NFASC: variants seen among roughly 807,000 people sequenced by gnomAD.
NFASC encodes neurofascin homolog.
In NFASC, 43 loss-of-function variants were observed where a neutral mutation model predicts 147.5. The ratio of observed to expected loss-of-function variants is 0.29; its 90% CI spans 0.23 to 0.38. The LOEUF (loss-of-function observed/expected upper bound fraction) is 0.38, where lower values mean the gene tolerates loss of function less well. Among genes scored for constraint, NFASC ranks in the 10% least tolerant of loss-of-function variants. NFASC has a pLI of 1.00. For missense variants in NFASC, 1,320 were observed against 1,689.0 expected, an observed-to-expected ratio of 0.78 and a Z score of 3.83; for synonymous variants, 622 against 665.5, an observed-to-expected ratio of 0.93 and a Z score of 1.01.
chr1:204,976,816 T>G, intron 16 of NFASC, 21 bp downstream of exon 16: 2 of 1,607,640 alleles, frequency 1.2e-6, no homozygotes, highest in Non-Finnish European at 1.7e-6. Flanking sequence ...ATGCTCACCC[T>G]GGCACTGACC....
At chr1:204,940,770 G>A (rs2093313314) in intron 2 of NFASC, among the ~76,000 whole-genome samples, 1 of 152,196 alleles carries the variant, frequency 6.6e-6, no homozygotes, top group African/African-American at 2.4e-5. Flanking sequence ...GAGCATGTCA[G>A]TATTGAATTC....
chr1:204,935,585 G>A (rs772464622), intron 2 of NFASC, among the ~76,000 whole-genome samples: 3 of 152,190 alleles, frequency 2.0e-5, no homozygotes, highest in Non-Finnish European at 2.9e-5. Flanking sequence ...TGGGCTGGGT[G>A]CTGCAGAGCT....
chr1:204,859,628 G>T (rs2076491582), intron 1 of NFASC, among the ~76,000 whole-genome samples: 1 of 152,220 alleles, frequency 6.6e-6, no homozygotes, highest in Admixed American at 6.5e-5. Context: ...TTTCCCAGAG[G>T]CTGGGTCTTG....
chr1:205,001,139 T>A, intron 25 of NFASC, 31 bp from the exon 26 acceptor site: 1 of 1,350,814 alleles, frequency 7.4e-7, no homozygotes, highest in Non-Finnish European at 1.0e-6. Flanking sequence ...TCCCTCCTCA[T>A]CACTAACCCC....
At chr1:204,983,406 G>A (rs1313813695) in intron 21 of NFASC, among the ~76,000 whole-genome samples, 3 of 152,110 alleles carry the variant, frequency 2.0e-5, no homozygotes, top group Non-Finnish European at 4.4e-5. Context: ...GAGGGAAAAC[G>A]GCAAGATACG....
chr1:204,999,931 T>G (rs1313160190), intron 25 of NFASC: 3 of 152,226 alleles, frequency 2.0e-5, no homozygotes, highest in African/African-American at 7.2e-5. Flanking sequence ...AATACGAGGC[T>G]TCATGCAAGT....
intron 29 of NFASC, among the ~76,000 whole-genome samples, chr1:205,014,722 C>T (rs537941984): frequency 2.0e-5 from 3 of 152,338 alleles, no homozygotes; most frequent in East Asian, 1.9e-4. Flanking sequence ...GCCCCTTCCA[C>T]TGGCTGGGCT....
chr1:204,885,386 C>T (rs1189230118), intron 1 of NFASC, among the ~76,000 whole-genome samples: 8 of 146,480 alleles, frequency 5.5e-5, no homozygotes, highest in African/African-American at 2.0e-4. Context: ...CCCCTTTGCC[C>T]TGTGGGGGGG....
intron 5 of NFASC, among the ~76,000 whole-genome samples, chr1:204,953,825 C>T (rs1240590693): frequency 5.3e-5 from 8 of 152,110 alleles, no homozygotes; most frequent in Admixed American, 5.2e-4. Context: ...TGGAAGAAGC[C>T]ACAGATTCTA....
chr1:205,016,268 A>G lies in NFASC; in HGVS notation c.3492-40A>G, dbSNP rs2096360414. On this transcript the variant is annotated intron_variant, in intron 29 of 29. Coordinates refer to ENST00000339876, the MANE Select transcript of NFASC (RefSeq NM_001005388.3). The surrounding 1 kb of genome is among the most constrained non-coding windows in gnomAD (Gnocchi z 5.1). ...GTGCTGGCAGGAGGCCAGCTGCCCC[A>G]TCTCACCCCACCTGAGATTCTCTGT... 1.4e-5 allele frequency: 20 copies of G among 1,470,396 alleles called. No individual in the cohort carries two copies. The highest frequency in any genetic ancestry group is 1.1e-4 in the East Asian group (5 of 44,128). 91.1% of individuals were successfully genotyped at this position (1,470,396 alleles called of 1,614,324 possible). A position where few individuals can be genotyped will look rare whatever the true frequency, so the allele number is the denominator to read the frequency against.
At chr1:204,855,669 C>T (rs1195590463) in intron 1 of NFASC, among the ~76,000 whole-genome samples, 1 of 152,150 alleles carries the variant, frequency 6.6e-6, no homozygotes, top group Non-Finnish European at 1.5e-5. Flanking sequence ...ACACAAGGAC[C>T]CTTAGAACAG....
chr1:204,924,331 CTG>C (rs1419363683), intron 2 of NFASC, among the ~76,000 whole-genome samples: 2 of 152,226 alleles, frequency 1.3e-5, no homozygotes, highest in Admixed American at 1.3e-4. Context: ...CTCCCTCCTG[CTG>C]TCTTAGTTCT....
chr1:204,977,162 T>G (rs1419214949), intron 16 of NFASC: 1 of 1,099,894 alleles, frequency 9.1e-7, no homozygotes, highest in Non-Finnish European at 1.1e-6. Context: ...AGTTTGTGTT[T>G]GTGCTTCCAA....
intron 1 of NFASC, among the ~76,000 whole-genome samples, chr1:204,882,113 C>G (rs1259006887): frequency 2.6e-5 from 4 of 152,168 alleles, no homozygotes; most frequent in Non-Finnish European, 5.9e-5. Flanking sequence ...ACTGAAAGAC[C>G]CTATTGCAGT....
intron 25 of NFASC, chr1:204,999,594 C>T (rs1369668679): frequency 6.6e-6 from 1 of 152,160 alleles, no homozygotes; most frequent in African/African-American, 2.4e-5. Flanking sequence ...AAGCGTCTGG[C>T]AGACAGGCAA....
chr1:204,846,228 G>A lies in NFASC; in HGVS notation c.-200+17446G>A, dbSNP rs114779755. 5.0e-3 allele frequency among the ~76,000 whole-genome samples: 763 copies of A among 151,890 alleles called. 10 individuals are homozygous for A. The highest frequency in any genetic ancestry group is 0.017 in the African/African-American group (724 of 41,430). On this transcript the variant is annotated intron_variant, in intron 1 of 29. Coordinates refer to ENST00000339876, the MANE Select transcript of NFASC (RefSeq NM_001005388.3). ...AAAAAAAAAAAGAGGGCCAGGGAGG[G>A]TAAGGAGACTGACACAAGAAGGTTA... is the stretch of plus-strand genomic sequence containing the variant.
intron 1 of NFASC, among the ~76,000 whole-genome samples, chr1:204,832,240 ACT>A (rs112134228): frequency 5.3e-5 from 8 of 151,978 alleles, no homozygotes; most frequent in African/African-American, 1.9e-4. Flanking sequence ...AGGCTGCTTA[ACT>A]CTCCCAATCC....
At chr1:204,831,158 A>G (rs1450621425) in intron 1 of NFASC, among the ~76,000 whole-genome samples, 1 of 152,050 alleles carries the variant, frequency 6.6e-6, no homozygotes, top group Non-Finnish European at 1.5e-5. Context: ...AGCTCAGGTG[A>G]AGTGGGGGAT....
At chr1:204,921,912 G>A (rs566771043) in intron 2 of NFASC, among the ~76,000 whole-genome samples, 1 of 152,200 alleles carries the variant, frequency 6.6e-6, no homozygotes, top group South Asian at 2.1e-4. Flanking sequence ...ACAGTGTCAG[G>A]TTTCAGAGAC....
Sources: gnomAD v4.1 joint callset for allele counts (sites outside exome capture counted in the v4.1 genomes callset) on GRCh38, gnomAD v4.1.1 for gene constraint, Gnocchi (gnomAD v3.1) non-coding constraint, MANE v1.5 for transcripts, NCBI Gene and HGNC (gene_info 2026-07-23, HGNC 2026-07-21) for gene names.